Variants in NTRK2 observed in about 807,000 individuals in gnomAD.
The protein encoded by NTRK2 is BDNF/NT-3 growth factors receptor.
NTRK2 carries 13 observed loss-of-function variants against 94.5 expected under a neutral mutation model. The ratio of observed to expected loss-of-function variants is 0.14; its 90% CI spans 0.09 to 0.22. The LOEUF is 0.22. Among genes scored for constraint, NTRK2 ranks in the 10% least tolerant of loss-of-function variants. The probability of loss-of-function intolerance (pLI) is 1.00; values close to 1 mark genes in which losing one functional copy is unlikely to be tolerated. For synonymous variants in NTRK2, 372 were observed against 407.4 expected (o/e 0.91, Z 1.05); for missense variants, 639 against 1,071.2 (o/e 0.60, Z 5.63).
intron 2 of NTRK2, among the ~76,000 whole-genome samples, chr9:84,697,314 G>A (rs1052634622): frequency 6.6e-6 from 1 of 152,134 alleles, no homozygotes; most frequent in African/African-American, 2.4e-5. Flanking sequence ...GAGGGGCTGT[G>A]CTTGGAAGCC....
Position 84,923,852 on chromosome 9 carries a change from A to G in NTRK2, c.1634-10310A>G, listed in dbSNP as rs56146930. On this transcript the variant is annotated intron_variant, in intron 14 of 18. Transcript: ENST00000277120. ...GAGGCGGAGGTCGCAGTGAACTGAGATCGCGCCACTGCACTCCAGCCTGGG... is the reference window on the plus strand; with the variant it reads ...GAGGCGGAGGTCGCAGTGAACTGAGGTCGCGCCACTGCACTCCAGCCTGGG... 9.0e-3 allele frequency among the ~76,000 whole-genome samples: 1,363 copies of G among 152,100 alleles called. 16 individuals are homozygous for G. Among genetic ancestry groups the G allele is most frequent in the Admixed American group, 0.019 (286 of 15,268 alleles).
chr9:84,729,566 G>A (rs939885677), intron 9 of NTRK2, among the ~76,000 whole-genome samples: 1 of 152,178 alleles, frequency 6.6e-6, no homozygotes, highest in Non-Finnish European at 1.5e-5. Flanking sequence ...TAGATCTGTA[G>A]AAAAGTTGCA....
intron 9 of NTRK2, among the ~76,000 whole-genome samples, chr9:84,737,714 G>A (rs2063353178): frequency 6.6e-6 from 1 of 151,738 alleles, no homozygotes; most frequent in African/African-American, 2.4e-5. Context: ...ATGTGATGCT[G>A]AGGATGGGGA....
chr9:84,930,576 G>T (rs926491709), intron 14 of NTRK2, among the ~76,000 whole-genome samples: 1 of 152,160 alleles, frequency 6.6e-6, no homozygotes, highest in Non-Finnish European at 1.5e-5. Context: ...GGCATCCTTG[G>T]TGCATTGCCG....
Position 84,745,463 on chromosome 9 carries a change from G to A in NTRK2, c.1296+390G>A, listed in dbSNP as rs543851878. ...CCAGTAGCTTCTGAAAGGGACTGGC[G>A]GTGGAGGGGATATAATCATATGAAC... On this transcript the variant is annotated intron_variant, in intron 11 of 18. Transcript: ENST00000277120. Among the ~76,000 whole-genome samples the A allele has an allele frequency of 9.9e-5, 15 of 152,256 alleles. No individual in the cohort carries two copies. The East Asian group carries it at 2.5e-3, about 25-fold the overall frequency.
chr9:85,018,739 A>T (rs1014081524), intron 17 of NTRK2, among the ~76,000 whole-genome samples: 1 of 152,190 alleles, frequency 6.6e-6, no homozygotes, highest in African/African-American at 2.4e-5. Context: ...CAGTTTGAGT[A>T]TCGACCCTGA....
intron 12 of NTRK2, among the ~76,000 whole-genome samples, chr9:84,817,030 C>T (rs2072469809): frequency 6.6e-6 from 1 of 152,128 alleles, no homozygotes; most frequent in Non-Finnish European, 1.5e-5. Flanking sequence ...TCTTCCTTTG[C>T]AGAATGAGAT....
chr9:84,748,121 T>G (rs1244459478), intron 11 of NTRK2, among the ~76,000 whole-genome samples: 2 of 152,130 alleles, frequency 1.3e-5, no homozygotes, highest in Admixed American at 6.5e-5. Flanking sequence ...CCTTGTTCTA[T>G]CCTAAGAAAT....
intron 14 of NTRK2, among the ~76,000 whole-genome samples, chr9:84,898,960 C>CA (rs1380883712): frequency 2.6e-5 from 4 of 152,158 alleles, no homozygotes; most frequent in African/African-American, 9.7e-5. Flanking sequence ...CTCAGCCTCC[C>CA]AAAGTGCTGG....
At chr9:84,757,181 C>T (rs903100472) in intron 12 of NTRK2, among the ~76,000 whole-genome samples, 2 of 151,846 alleles carry the variant, frequency 1.3e-5, no homozygotes, top group African/African-American at 2.4e-5. Context: ...AAAATGCCGT[C>T]GAAAAATTAG....
intron 2 of NTRK2, among the ~76,000 whole-genome samples, chr9:84,691,578 T>A (rs2060050981): frequency 6.6e-6 from 1 of 152,140 alleles, no homozygotes; most frequent in African/African-American, 2.4e-5. Context: ...GGGGCTGACA[T>A]CCTTTTATAA....
At chr9:84,850,014 A>G (rs537216639) in intron 12 of NTRK2, among the ~76,000 whole-genome samples, 1 of 152,216 alleles carries the variant, frequency 6.6e-6, no homozygotes, top group Non-Finnish European at 1.5e-5. Flanking sequence ...GAGAAATAAG[A>G]TTACATAAAT....
At chr9:84,680,270 A>C (rs2059313751) in intron 2 of NTRK2, among the ~76,000 whole-genome samples, 1 of 152,220 alleles carries the variant, frequency 6.6e-6, no homozygotes, top group Non-Finnish European at 1.5e-5. Flanking sequence ...CAAGAGACAG[A>C]TGCATACACA....
chr9:84,990,703 T>A (rs558182295), intron 17 of NTRK2, among the ~76,000 whole-genome samples: 1 of 152,294 alleles, frequency 6.6e-6, no homozygotes, highest in South Asian at 2.1e-4. Flanking sequence ...CCCTTTGACA[T>A]TACGTGCGCC....
rs904248337 is a variant in NTRK2 at position 84,983,313 on chromosome 9, C to G, written c.2172+27796C>G. On this transcript the variant is annotated intron_variant, in intron 17 of 18. Transcript: ENST00000277120. ...GGCACAGGCTCTGTCCTGTGGTCAG[C>G]ACCAACAGATTCTAAGACAAAACCA... Among the ~76,000 whole-genome samples, 3 of 152,282 alleles carry G rather than the reference C, an allele frequency of 2.0e-5. No homozygotes were observed. In the East Asian group the frequency reaches 5.8e-4, roughly 29 times the overall value.
At chr9:84,840,372 G>A (rs1235519242) in intron 12 of NTRK2, among the ~76,000 whole-genome samples, 1 of 147,010 alleles carries the variant, frequency 6.8e-6, no homozygotes, top group Non-Finnish European at 1.5e-5. Context: ...GTTTTTTTGA[G>A]AAAATCAAAG....
chr9:84,912,027 G>A (rs2077250475), intron 14 of NTRK2, among the ~76,000 whole-genome samples: 1 of 151,992 alleles, frequency 6.6e-6, no homozygotes, highest in Admixed American at 6.5e-5. Flanking sequence ...TTAAAAATGT[G>A]TTGCTTGATT....
intron 17 of NTRK2, among the ~76,000 whole-genome samples, chr9:84,965,571 G>C (rs1387560805): frequency 4.6e-5 from 7 of 152,136 alleles, no homozygotes; most frequent in African/African-American, 1.7e-4. Flanking sequence ...TGCCTGTGAT[G>C]GATGTTATAA....
At chr9:84,722,632 A>C (rs1380309027) in intron 6 of NTRK2, among the ~76,000 whole-genome samples, 1 of 152,138 alleles carries the variant, frequency 6.6e-6, no homozygotes, top group Non-Finnish European at 1.5e-5. Flanking sequence ...AGGTCCTGAC[A>C]TATTGTTATA....
Sources: gnomAD v4.1 joint callset for allele counts (sites outside exome capture counted in the v4.1 genomes callset) on GRCh38, gnomAD v4.1.1 for gene constraint, MANE v1.5 for transcripts, NCBI Gene and HGNC (gene_info 2026-07-23, HGNC 2026-07-21) for gene names.